Variants in CCSER1 observed in about 807,000 individuals in gnomAD.
CCSER1 encodes coiled-coil serine rich protein 1.
CCSER1 carries 41 observed loss-of-function variants against 82.0 expected under a neutral mutation model. That is an observed-to-expected ratio of 0.50 (90% CI 0.39 to 0.65). The LOEUF is 0.65. Among genes scored for constraint, CCSER1 ranks in the 30% least tolerant of loss-of-function variants. CCSER1 has a pLI of 0.00. For synonymous variants in CCSER1, 414 were observed against 383.9 expected, an observed-to-expected ratio of 1.08 and a Z score of -0.92; for missense variants, 1,119 against 1,064.2, an observed-to-expected ratio of 1.05 and a Z score of -0.72.
intron 9 of CCSER1, among the ~76,000 whole-genome samples, chr4:91,081,137 A>T (rs939782876): frequency 6.6e-6 from 1 of 152,216 alleles, no homozygotes; most frequent in Non-Finnish European, 1.5e-5. Context: ...ATCCCTCATG[A>T]ACATCGATGC....
At chr4:91,060,095 T>G (rs1743829396) in intron 9 of CCSER1, among the ~76,000 whole-genome samples, 1 of 152,094 alleles carries the variant, frequency 6.6e-6, no homozygotes, top group African/African-American at 2.4e-5. Flanking sequence ...CAGGAGAATT[T>G]ACTAACATTT....
chr4:90,380,601 C>A (rs1749053854), intron 3 of CCSER1, among the ~76,000 whole-genome samples: 2 of 152,094 alleles, frequency 1.3e-5, no homozygotes, highest in African/African-American at 4.8e-5. Flanking sequence ...TATTTATTCC[C>A]TTATTCTTCT....
chr4:90,245,106 T>C (rs190872674), intron 1 of CCSER1, among the ~76,000 whole-genome samples: 86 of 152,330 alleles, frequency 5.6e-4, no homozygotes, highest in Middle Eastern at 3.4e-3. Context: ...CAAATGTAGC[T>C]TCTTTTAATT....
At chr4:91,591,159 T>C (rs966576586) in intron 10 of CCSER1, among the ~76,000 whole-genome samples, 1 of 152,118 alleles carries the variant, frequency 6.6e-6, no homozygotes, top group Non-Finnish European at 1.5e-5. Context: ...GCAATGTACA[T>C]GATGGTCCCA....
intron 3 of CCSER1, among the ~76,000 whole-genome samples, chr4:90,336,441 C>T (rs531856607): frequency 1.3e-5 from 2 of 152,284 alleles, no homozygotes; most frequent in South Asian, 2.1e-4. Context: ...CAATTCTGTG[C>T]TTTCATTAAT....
At chr4:90,277,095 G>T (rs892512481) in intron 1 of CCSER1, among the ~76,000 whole-genome samples, 1 of 151,714 alleles carries the variant, frequency 6.6e-6, no homozygotes, top group Non-Finnish European at 1.5e-5. Flanking sequence ...CTCTTGCCTG[G>T]CTGCTCTCAC....
At chr4:90,748,813 T>G (rs947325686) in intron 7 of CCSER1, among the ~76,000 whole-genome samples, 10 of 150,138 alleles carry the variant, frequency 6.7e-5, no homozygotes, top group Non-Finnish European at 1.5e-4. Flanking sequence ...TTTCATGTGT[T>G]TTTTGGCTGC....
chr4:91,093,452 C>G (rs564126255), intron 10 of CCSER1, among the ~76,000 whole-genome samples: 91 of 152,358 alleles, frequency 6.0e-4, no homozygotes, highest in Non-Finnish European at 3.7e-4. Flanking sequence ...CTTGGTTAAT[C>G]TAGCATTTGT....
chr4:90,227,954 C>A (rs916727413), intron 1 of CCSER1, among the ~76,000 whole-genome samples: 4 of 152,248 alleles, frequency 2.6e-5, no homozygotes, highest in African/African-American at 9.6e-5. Flanking sequence ...ATATCCCGCA[C>A]CTGGCTCGGA....
At chr4:91,005,629 T>C (rs930204492) in intron 9 of CCSER1, among the ~76,000 whole-genome samples, 1 of 152,214 alleles carries the variant, frequency 6.6e-6, no homozygotes, top group South Asian at 2.1e-4. Context: ...TGCATATTGT[T>C]GTACAGCAGA....
intron 4 of CCSER1, among the ~76,000 whole-genome samples, chr4:90,465,669 G>A (rs1358427118): frequency 6.6e-6 from 1 of 152,170 alleles, no homozygotes; most frequent in Non-Finnish European, 1.5e-5. Flanking sequence ...TGCTTGAACT[G>A]AATAAGTAAT....
chr4:90,609,144 A>AT (rs1311222153), intron 5 of CCSER1, among the ~76,000 whole-genome samples: 3 of 152,054 alleles, frequency 2.0e-5, no homozygotes, highest in African/African-American at 7.2e-5. Flanking sequence ...TTTTATTCAT[A>AT]TTTTTATATA....
chr4:91,232,941 T>A (rs1330467607), intron 10 of CCSER1, among the ~76,000 whole-genome samples: 2 of 151,696 alleles, frequency 1.3e-5, no homozygotes, highest in Non-Finnish European at 3.0e-5. Context: ...TATACATGGG[T>A]AGATATGTAT....
At chr4:90,249,742 T>A (rs892976893) in intron 1 of CCSER1, among the ~76,000 whole-genome samples, 4 of 152,176 alleles carry the variant, frequency 2.6e-5, no homozygotes, top group Non-Finnish European at 5.9e-5. Flanking sequence ...ATTGATCCAT[T>A]GATGAACATT....
chr4:90,954,481 T>C (rs1733229464), intron 9 of CCSER1, among the ~76,000 whole-genome samples: 1 of 152,084 alleles, frequency 6.6e-6, no homozygotes. Flanking sequence ...ATTATATTAG[T>C]GAATCACAAG....
At chr4:91,545,902 A>G (rs1379747917) in intron 10 of CCSER1, among the ~76,000 whole-genome samples, 2 of 152,138 alleles carry the variant, frequency 1.3e-5, no homozygotes, top group South Asian at 2.1e-4. Context: ...ACCATTAAGT[A>G]TGGTTTTAGT....
At chr4:90,508,587 G>T (rs1302757394) in intron 5 of CCSER1, among the ~76,000 whole-genome samples, 1 of 151,896 alleles carries the variant, frequency 6.6e-6, no homozygotes, top group East Asian at 1.9e-4. Flanking sequence ...TCCTCCTATT[G>T]AAAATCATTA....
At chr4:91,116,691 A>G (rs1726641916) in intron 10 of CCSER1, among the ~76,000 whole-genome samples, 1 of 152,208 alleles carries the variant, frequency 6.6e-6, no homozygotes, top group South Asian at 2.1e-4. Flanking sequence ...GTTGTTAAAG[A>G]AAATTGCAGT....
intron 10 of CCSER1, among the ~76,000 whole-genome samples, chr4:91,293,890 A>G (rs1257866065): frequency 6.6e-6 from 1 of 151,982 alleles, no homozygotes; most frequent in African/African-American, 2.4e-5. Context: ...ATCTGCAAAA[A>G]TTTAAGGCTA....
Sources: gnomAD v4.1 joint callset for allele counts (sites outside exome capture counted in the v4.1 genomes callset) on GRCh38, gnomAD v4.1.1 for gene constraint, MANE v1.5 for transcripts, NCBI Gene and HGNC (gene_info 2026-07-23, HGNC 2026-07-21) for gene names.